IL12RB1: variants seen among roughly 807,000 people sequenced by gnomAD.
IL12RB1 encodes the protein interleukin-12 receptor subunit beta-1.
A neutral mutation model predicts 94.4 loss-of-function variants in IL12RB1; 64 were observed. That is an observed-to-expected ratio of 0.68 (90% CI 0.55 to 0.83). The LOEUF (loss-of-function observed/expected upper bound fraction) is 0.83. IL12RB1 is among the 40% of genes least tolerant of loss of function. The pLI is 0.00. For synonymous variants in IL12RB1, 362 were observed against 355.5 expected (o/e 1.02, Z -0.21); for missense variants, 814 against 855.6 (o/e 0.95, Z 0.61).
At chr19:18,093,029 G>T (rs191207841) in intron 1 of IL12RB1, among the ~76,000 whole-genome samples, 1 of 151,984 alleles carries the variant, frequency 6.6e-6, no homozygotes, top group Non-Finnish European at 1.5e-5. Context: ...GTTAGGCCGG[G>T]CACAGTGGCT....
chr19:18,071,165 G>T, intron 9 of IL12RB1: 1 of 328,338 alleles, frequency 3.0e-6, no homozygotes, highest in South Asian at 2.3e-5. Flanking sequence ...TTGAGGTCAG[G>T]AGTTCGAGAC....
upstream of IL12RB1, among the ~76,000 whole-genome samples, chr19:18,087,966 C>A (rs575358876): frequency 6.6e-6 from 1 of 152,156 alleles, no homozygotes; most frequent in South Asian, 2.1e-4. Context: ...ACATGCCAAG[C>A]TCCAGCCTTG....
upstream of IL12RB1, among the ~76,000 whole-genome samples, chr19:18,090,471 A>C (rs2036582143): frequency 6.6e-6 from 1 of 152,204 alleles, no homozygotes; most frequent in South Asian, 2.1e-4. Context: ...CTTATTTCAC[A>C]GATTGGGAAA....
At chr19:18,081,590 G>T (rs534135553) in intron 3 of IL12RB1, among the ~76,000 whole-genome samples, 4 of 151,798 alleles carry the variant, frequency 2.6e-5, no homozygotes, top group East Asian at 2.0e-4. Context: ...GAGGCCAAGG[G>T]GGGGTGGATC....
rs67262412 is a variant in IL12RB1 at position 18,063,078 on chromosome 19, A to ATTTTTTTTTTTT, written c.1618+786_1618+797dup. Among the ~76,000 whole-genome samples, 15 of 51,462 alleles carry ATTTTTTTTTTTT rather than the reference A, an allele frequency of 2.9e-4. 2 individuals carry two copies. Among genetic ancestry groups the ATTTTTTTTTTTT allele is most frequent in the African/African-American group, 5.2e-4 (5 of 9,672 alleles). 33.8% of individuals were successfully genotyped at this position (51,462 alleles called of 152,430 possible). On this transcript the variant is annotated intron_variant, in intron 13 of 16. Transcript: ENST00000593993. Reference sequence around the variant, plus strand: ...TCTTTCTTCTCCTTCTTCTTCTTCTATTTTTTTTTTTTTTTTTTTTTTTTT... The same window carrying ATTTTTTTTTTTT: ...TCTTTCTTCTCCTTCTTCTTCTTCTATTTTTTTTTTTTTTTTTTTTTTTTTTTTTTTTTTTTT...
At position 18,066,627 on chromosome 19, in the gene IL12RB1, C is replaced by T. The variant is rs754993079; in HGVS notation, c.1398G>A (p.Trp466Ter). Residue 466 changes from tryptophan to a stop codon, truncating the protein, a stop_gained, in exon 12 of 17, where the codon TGG becomes TGA. Coordinates refer to ENST00000593993, the MANE Select transcript of IL12RB1 (RefSeq NM_005535.3). LOFTEE classifies it high-confidence loss of function. ...NHSLDSVSVD[W>*]APSLLSTCPG... ...GACAGGTGCTCAGCAGGGATGGTGC[C>T]CAGTCCACAGACACAGAGTCCAAGC... 2.0e-5 allele frequency: 33 copies of T among 1,612,596 alleles called. No homozygotes were observed. The highest frequency in any genetic ancestry group is 3.3e-5 in the South Asian group (3 of 91,036).
intron 1 of IL12RB1, among the ~76,000 whole-genome samples, chr19:18,084,959 G>A (rs932394818): frequency 2.0e-5 from 3 of 152,206 alleles, no homozygotes; most frequent in Admixed American, 1.3e-4. Flanking sequence ...GGCAGGGAGA[G>A]GCCTGCCAGG....
At position 18,061,096 on chromosome 19, in the gene IL12RB1, C is replaced by A. The variant is rs753152667; in HGVS notation, c.1791+26G>T. 5.5e-6 allele frequency: 7 copies of A among 1,264,864 alleles called. No homozygotes were observed. In the South Asian group the frequency reaches 8.7e-5, roughly 16 times the overall value. The allele number at this position is 1,264,864 out of a possible 1,614,324, so 78.4% of individuals were successfully genotyped here. ...CCAGCATGTGCACCCAATAAAAAGA[C>A]TTGGAATTAGAAAAGGCATCCTTAC... On this transcript the variant is annotated intron_variant, in intron 15 of 16. Coordinates refer to ENST00000593993, the MANE Select transcript of IL12RB1 (RefSeq NM_005535.3).
At chr19:18,091,498 C>T (rs2036624751), upstream of IL12RB1, 1 of 152,180 alleles carries the variant, frequency 6.6e-6, no homozygotes, top group East Asian at 1.9e-4. Context: ...GGAGGAGGGC[C>T]GAGCTTCCCT....
chr19:18,095,919 G>A (rs762393525), intron 1 of IL12RB1, among the ~76,000 whole-genome samples: 74 of 152,094 alleles, frequency 4.9e-4, no homozygotes, highest in Non-Finnish European at 8.8e-4. Context: ...CGAGTCCCAG[G>A]GAAAGAAAAA....
chr19:18,081,116 G>T, intron 3 of IL12RB1, 115 bp from the exon 4 acceptor site: 2 of 968,638 alleles, frequency 2.1e-6, no homozygotes, highest in Non-Finnish European at 3.1e-6. Context: ...TTTGTTTGGA[G>T]ATGGAGTTTC....
At chr19:18,076,177 A>G in intron 6 of IL12RB1, 120 bp downstream of exon 6, 1 of 741,366 alleles carries the variant, frequency 1.3e-6, no homozygotes, top group Non-Finnish European at 2.5e-6. Context: ...TCCAATACTG[A>G]ACTATGGGGC....
chr19:18,059,504 G>C lies in IL12RB1; in HGVS notation c.*104C>G, dbSNP rs757085205. The C allele has an allele frequency of 3.7e-5, 27 of 738,404 alleles. No homozygotes were observed. The highest frequency in any genetic ancestry group is 1.4e-4 in the Admixed American group (7 of 51,672). 45.7% of individuals were successfully genotyped at this position (738,404 alleles called of 1,614,324 possible). A position where few individuals can be genotyped will look rare whatever the true frequency, so the allele number is the denominator to read the frequency against. On this transcript the variant is annotated 3_prime_UTR_variant, in exon 17 of 17. Transcript: ENST00000593993. ...GGCACGGGGCAGAGAGGAGGCAGGT[G>C]CACTGGAGCCTGGAGGAGCTCTGGG...
At position 18,071,677 on chromosome 19, in the gene IL12RB1, A is replaced by ATT. The variant is rs552210676; in HGVS notation, c.1021+433_1021+434dup. On this transcript the variant is annotated intron_variant, in intron 9 of 16. Coordinates refer to ENST00000593993, the MANE Select transcript of IL12RB1 (RefSeq NM_005535.3). ...CTGCATTATGGATCTTGATTATTGA[A>ATT]TTTTTTTTTTTTGACACAGTCTTGC... is the stretch of plus-strand genomic sequence containing the variant. Among the ~76,000 whole-genome samples, 1,177 of 147,676 alleles carry ATT rather than the reference A, an allele frequency of 8.0e-3. 15 individuals are homozygous for ATT. Among genetic ancestry groups the ATT allele is most frequent in the African/African-American group, 0.028 (1,127 of 40,360 alleles).
rs2034369537 is a variant in IL12RB1 at position 18,064,009 on chromosome 19, C to T, written c.1485G>A (p.Glu495=). The T allele has an allele frequency of 6.2e-7, 1 of 1,611,554 alleles. No individual in the cohort carries two copies. Among genetic ancestry groups the T allele is most frequent in the Non-Finnish European group, 8.5e-7 (1 of 1,178,120 alleles). ...GGGTCTCTGTGGGCTGCACGGGATG[C>T]TCTGCAGTGGGAGAGGCAACCCTGA... ...CRDEDSKQVS[E]HPVQPTETQV... Residue 495 remains glutamate (E), a splice_region_variant and synonymous_variant, in exon 13 of 17, where the codon GAG becomes GAA. Transcript: ENST00000593993.
Position 18,059,460 on chromosome 19 carries a change from C to G in IL12RB1, c.*148G>C, listed in dbSNP as rs901334647. ...TTCATGGCAGCATCTAGGGTTCCCC[C>G]GCAGGATGGGTGGCAACAGGCACGG... On this transcript the variant is annotated 3_prime_UTR_variant, in exon 17 of 17. Coordinates refer to ENST00000593993, the MANE Select transcript of IL12RB1 (RefSeq NM_005535.3). 3 of 702,622 alleles carry G rather than the reference C, an allele frequency of 4.3e-6. No individual in the cohort carries two copies. Among genetic ancestry groups the G allele is most frequent in the East Asian group, 5.3e-5 (2 of 37,396 alleles). The allele number at this position is 702,622 out of a possible 1,614,324, so 43.5% of individuals were successfully genotyped here. A position where few individuals can be genotyped will look rare whatever the true frequency, so the allele number is the denominator to read the frequency against.
Position 18,069,622 on chromosome 19 carries a change from C to A in IL12RB1, c.1113G>T (p.Trp371Cys). The A allele has an allele frequency of 6.2e-7, 1 of 1,613,366 alleles. No homozygotes were observed. Among genetic ancestry groups the A allele is most frequent in the Admixed American group, 1.7e-5 (1 of 60,014 alleles). Residue 371 changes from tryptophan to cysteine, a missense_variant, in exon 10 of 17, where the codon TGG becomes TGT. By Grantham distance (215) the Trp-to-Cys change is radical. Transcript: ENST00000593993. ...RAQSMTYCIE[W>C]QPVGQDGGLA... ...GGCCCCCGTCCTGGCCCACAGGCTG[C>A]CATTCAATGCAATACGTCATGCTCT... is the stretch of plus-strand genomic sequence containing the variant.
At position 18,059,953 on chromosome 19, in the gene IL12RB1, G is replaced by A. The variant is rs755120896; in HGVS notation, c.1924C>T (p.Pro642Ser). 2 of 1,596,862 alleles carry A rather than the reference G, an allele frequency of 1.3e-6. No individual in the cohort carries two copies. Among genetic ancestry groups the A allele is most frequent in the East Asian group, 4.5e-5 (2 of 44,024 alleles). The stretch of plus-strand genomic sequence containing the variant: ...AACTCTGTATCCAGGGCCAGCTCAG[G>A]GGCACCCTCAGGTAGCTCTGTCTTC... ...LEKTELPEGA[P>S]ELALDTELSL... Residue 642 changes from proline (P) to serine (S), a missense_variant, in exon 16 of 17, where the codon CCT becomes TCT. By Grantham distance (74) the Pro-to-Ser change is moderately conservative. Coordinates refer to ENST00000593993, the MANE Select transcript of IL12RB1 (RefSeq NM_005535.3).
At chr19:18,062,757 AG>A (rs973657456) in intron 13 of IL12RB1, among the ~76,000 whole-genome samples, 5 of 151,936 alleles carry the variant, frequency 3.3e-5, no homozygotes, top group African/African-American at 1.2e-4. Context: ...CGGCAATAAG[AG>A]GGAAAATCTG....
Sources: allele counts gnomAD v4.1 joint callset (sites outside exome capture counted in the v4.1 genomes callset), GRCh38; gene constraint gnomAD v4.1.1; transcripts MANE v1.5; gene names NCBI Gene and HGNC (gene_info 2026-07-23, HGNC 2026-07-21).